HDAC11: variants seen among roughly 807,000 people sequenced by gnomAD.
HDAC11 encodes the protein histone deacetylase 11.
In HDAC11, 23 loss-of-function variants were observed where a neutral mutation model predicts 41.1. The observed-to-expected ratio is 0.56, with a 90% CI of 0.40 to 0.79. The LOEUF is 0.79. Among genes scored for constraint, HDAC11 ranks in the 30% least tolerant of loss-of-function variants. The probability of loss-of-function intolerance (pLI) is 0.00; values close to 1 mark genes in which losing one functional copy is unlikely to be tolerated. For synonymous variants in HDAC11, 187 were observed against 186.6 expected (o/e 1.00, Z -0.02); for missense variants, 402 against 477.3 (o/e 0.84, Z 1.47).
intron 3 of HDAC11, among the ~76,000 whole-genome samples, chr3:13,485,711 G>A (rs1379610530): frequency 6.6e-6 from 1 of 151,902 alleles, no homozygotes; most frequent in Non-Finnish European, 1.5e-5. Context: ...CTTGAGCCCA[G>A]GAGTTTGAAG....
intron 5 of HDAC11, among the ~76,000 whole-genome samples, chr3:13,499,321 C>T (rs2125009849): frequency 6.6e-6 from 1 of 152,304 alleles, no homozygotes; most frequent in African/African-American, 2.4e-5. Context: ...AGGCATGCAC[C>T]ACCATGCCCG....
intron 3 of HDAC11, among the ~76,000 whole-genome samples, chr3:13,491,232 G>C (rs984513027): frequency 4.6e-5 from 7 of 151,844 alleles, no homozygotes; most frequent in African/African-American, 1.2e-4. Context: ...GGAACTTCCA[G>C]TACTATGTTA....
chr3:13,500,815 C>T (rs377073273), intron 6 of HDAC11, 26 bp downstream of exon 6: 282 of 1,479,218 alleles, frequency 1.9e-4, no homozygotes, highest in Middle Eastern at 1.4e-3. Flanking sequence ...AGTGGGGTCT[C>T]GCCTCCAAGA....
In HDAC11 at chr3:13,500,716, GT is replaced by G. The variant is rs1559380096; in HGVS notation, c.417del (p.Gly140AlafsTer140). 6.3e-7 allele frequency: 1 copy of G among 1,592,408 alleles called. No individual in the cohort carries two copies. The highest frequency in any genetic ancestry group is 1.7e-5 in the Admixed American group (1 of 57,634). On this transcript the variant is annotated frameshift_variant, in exon 6 of 10. Coordinates refer to ENST00000295757, the MANE Select transcript of HDAC11 (RefSeq NM_024827.4). LOFTEE classifies it high-confidence loss of function. Reference sequence around the variant, plus strand: ...ACCGCTCTCTGCCCTTCCGCAGGGGGTGGCTTCCACCACTGCTCCAGCGACC... The same window carrying G: ...ACCGCTCTCTGCCCTTCCGCAGGGGGGGCTTCCACCACTGCTCCAGCGACC... The part of the protein sequence containing the change: ...VERGWAINVG[G>X]GFHHCSSDRG...
intron 3 of HDAC11, among the ~76,000 whole-genome samples, chr3:13,493,113 G>A (rs905980008): frequency 6.6e-6 from 1 of 152,280 alleles, no homozygotes; most frequent in Non-Finnish European, 1.5e-5. Flanking sequence ...CAGTCCCACC[G>A]TGGCATGCTG....
At chr3:13,491,236 T>C (rs551302707) in intron 3 of HDAC11, among the ~76,000 whole-genome samples, 2 of 152,184 alleles carry the variant, frequency 1.3e-5, no homozygotes, top group East Asian at 3.9e-4. Context: ...CTTCCAGTAC[T>C]ATGTTAAATA....
intron 4 of HDAC11, among the ~76,000 whole-genome samples, chr3:13,497,854 CTTT>C (rs10667297): frequency 1.9e-5 from 2 of 106,080 alleles, no homozygotes; most frequent in Admixed American, 1.1e-4. Flanking sequence ...TCTTTTTTTG[CTTT>C]TTTTTTTTTT....
intron 8 of HDAC11, 111 bp downstream of exon 8, chr3:13,503,091 A>C: frequency 1.3e-6 from 1 of 777,746 alleles, no homozygotes; most frequent in Non-Finnish European, 2.2e-6. Flanking sequence ...GGTTCATAGC[A>C]TCCCTGTGAG....
rs1702622065 is a variant in HDAC11, at chr3:13,506,268, CCTAGAGGCTT to C, written c.*1586_*1595del. 1 of 152,238 alleles carries C rather than the reference CCTAGAGGCTT, an allele frequency of 6.6e-6. No individual in the cohort carries two copies. The highest frequency in any genetic ancestry group is 2.1e-4 in the South Asian group (1 of 4,830). 9.4% of individuals were successfully genotyped at this position (152,238 alleles called of 1,614,324 possible). ...TGTTGAGCTTCTGTTCCTAGAGAAT[CCTAGAGGCTT>C]GATTGGCCCAGGCTGCTGTGTGTGC... On this transcript the variant is annotated 3_prime_UTR_variant, in exon 10 of 10. Coordinates refer to ENST00000295757, the MANE Select transcript of HDAC11 (RefSeq NM_024827.4).
Position 13,504,465 on chromosome 3 carries a change from C to A in HDAC11, c.829-3C>A, listed in dbSNP as rs746579639. The stretch of plus-strand genomic sequence containing the variant: ...CTGAGTCACCCTCCTCTTCCCCTAA[C>A]AGGGCATCGTGAAGCGGGATGAGCT... On this transcript the variant is annotated splice_region_variant and splice_polypyrimidine_tract_variant and intron_variant, in intron 9 of 9. Transcript: ENST00000295757. The A allele has an allele frequency of 1.9e-6, 3 of 1,613,102 alleles. No homozygotes were observed. The highest frequency in any genetic ancestry group is 2.5e-6 in the Non-Finnish European group (3 of 1,179,964).
intron 3 of HDAC11, among the ~76,000 whole-genome samples, chr3:13,484,295 C>T (rs900258399): frequency 6.6e-6 from 1 of 152,206 alleles, no homozygotes; most frequent in African/African-American, 2.4e-5. Flanking sequence ...GTTTAAGACT[C>T]TGGTCTAAGT....
chr3:13,484,044 G>A (rs200095496), intron 3 of HDAC11, among the ~76,000 whole-genome samples: 1 of 152,064 alleles, frequency 6.6e-6, no homozygotes. Flanking sequence ...TGCAACCTCC[G>A]CCTTCCGGGT....
intron 3 of HDAC11, among the ~76,000 whole-genome samples, chr3:13,484,254 G>A (rs1048132248): frequency 6.6e-6 from 1 of 152,150 alleles, no homozygotes; most frequent in Admixed American, 6.5e-5. Context: ...GTGAGCCACC[G>A]CACCCACCCT....
At chr3:13,500,914 C>T in intron 6 of HDAC11, 125 bp downstream of exon 6, 1 of 725,388 alleles carries the variant, frequency 1.4e-6, no homozygotes, top group Non-Finnish European at 2.2e-6. Context: ...AGGGAGGGGG[C>T]TTGTTTGGGT....
intron 3 of HDAC11, among the ~76,000 whole-genome samples, chr3:13,487,127 G>T (rs1422693183): frequency 6.6e-6 from 1 of 152,126 alleles, no homozygotes; most frequent in African/African-American, 2.4e-5. Context: ...CAGCAGGAGG[G>T]TGATATGGTG....
At chr3:13,492,482 A>T (rs1701911307) in intron 3 of HDAC11, among the ~76,000 whole-genome samples, 2 of 152,178 alleles carry the variant, frequency 1.3e-5, no homozygotes. Context: ...AGCCTCAGGG[A>T]GAGAAGTGCT....
Position 13,504,504 on chromosome 3 carries a change from G to T in HDAC11, c.865G>T (p.Val289Phe), listed in dbSNP as rs759689836. Residue 289 changes from valine to phenylalanine, a missense_variant, in exon 10 of 10, where the codon GTC (valine) becomes TTC (phenylalanine). Transcript: ENST00000295757. The stretch of plus-strand genomic sequence containing the variant: ...GCGGGATGAGCTGGTGTTCCGGATG[G>T]TCCGTGGCCGCCGGGTGCCCATCCT... ...VKRDELVFRM[V>F]RGRRVPILMV... 1.9e-6 allele frequency: 3 copies of T among 1,613,460 alleles called. No homozygotes were observed. Among genetic ancestry groups the T allele is most frequent in the Non-Finnish European group, 1.7e-6 (2 of 1,180,028 alleles).
At chr3:13,498,485 C>T in intron 4 of HDAC11, 28 bp from the exon 5 acceptor site, 22 of 1,613,784 alleles carry the variant, frequency 1.4e-5, no homozygotes, top group Non-Finnish European at 1.7e-5. Flanking sequence ...GCTGCCTGCG[C>T]CCCCTCACCC....
At chr3:13,501,603 C>T in intron 6 of HDAC11, 2 of 682,552 alleles carry the variant, frequency 2.9e-6, no homozygotes, top group East Asian at 2.9e-5. Context: ...GAGTGACCCA[C>T]TTACCTCCTG....
Sources: gnomAD v4.1 joint callset for allele counts (sites outside exome capture counted in the v4.1 genomes callset) on GRCh38, gnomAD v4.1.1 for gene constraint, MANE v1.5 for transcripts, NCBI Gene and HGNC (gene_info 2026-07-23, HGNC 2026-07-21) for gene names.